ECSIT: variants seen among roughly 807,000 people sequenced by gnomAD.
The protein encoded by ECSIT is ECSIT signaling integrator.
ECSIT carries 29 observed loss-of-function variants against 36.8 expected under a neutral mutation model. The ratio of observed to expected loss-of-function variants is 0.79; its 90% CI spans 0.59 to 1.08. The LOEUF is 1.08. Ranked by LOEUF, ECSIT falls within the 50% of genes least tolerant of loss-of-function variation. The probability of loss-of-function intolerance (pLI) is 0.00; values close to 1 mark genes in which losing one functional copy is unlikely to be tolerated. For synonymous variants in ECSIT, 231 were observed against 234.8 expected (o/e 0.98, Z 0.15); for missense variants, 542 against 581.0 (o/e 0.93, Z 0.69).
At chr19:11,516,062 C>T (rs1166912791) in intron 2 of ECSIT, 1 of 152,280 alleles carries the variant, frequency 6.6e-6, no homozygotes, top group African/African-American at 2.4e-5. Flanking sequence ...TGGAGTCTAG[C>T]TATGTTGCCC....
In ECSIT at chr19:11,519,213, A is replaced by C. The variant is rs1286409291; in HGVS notation, c.-23-20T>G. ...AATCACCTGGCCCAAAAGAAGATTC[A>C]GCATTAGCCTGGCACCTTACAGATG... On this transcript the variant is annotated intron_variant, in intron 1 of 7. Transcript: ENST00000270517. The surrounding 1 kb of genome is among the most constrained non-coding windows in gnomAD (Gnocchi z 4.4). 1 of 1,501,214 alleles carries C rather than the reference A, an allele frequency of 6.7e-7. No homozygotes were observed. The highest frequency in any genetic ancestry group is 2.0e-5 in the Admixed American group (1 of 50,908). The allele number at this position is 1,501,214 out of a possible 1,614,324, so 93.0% of individuals were successfully genotyped here. A position where few individuals can be genotyped will look rare whatever the true frequency, so the allele number is the denominator to read the frequency against.
At chr19:11,526,176 A>G (rs913876066) in intron 1 of ECSIT, among the ~76,000 whole-genome samples, 1 of 151,950 alleles carries the variant, frequency 6.6e-6, no homozygotes, top group Non-Finnish European at 1.5e-5. Flanking sequence ...TCTTGTCCAG[A>G]CTGGTCTTGA....
intron 1 of ECSIT, among the ~76,000 whole-genome samples, chr19:11,527,694 AAAAT>A (rs1404887756): frequency 1.3e-5 from 2 of 151,908 alleles, no homozygotes; most frequent in Admixed American, 6.6e-5. Flanking sequence ...CCTGTCTCTA[AAAAT>A]AAATAAATAG....
intron 7 of ECSIT, 100 bp from the exon 8 acceptor site, chr19:11,506,528 C>CA: frequency 5.0e-6 from 5 of 1,004,574 alleles, no homozygotes; most frequent in South Asian, 2.4e-5. Context: ...CCTTCCACTT[C>CA]CTTTTTTTTT....
intron 3 of ECSIT, 93 bp from the exon 4 acceptor site, chr19:11,513,372 T>C: frequency 9.9e-7 from 1 of 1,005,132 alleles, no homozygotes; most frequent in Admixed American, 1.9e-5. Flanking sequence ...AGGGAATTGA[T>C]CACAGACAGG....
chr19:11,508,591 T>C (rs970156317), intron 4 of ECSIT, among the ~76,000 whole-genome samples: 1 of 152,028 alleles, frequency 6.6e-6, no homozygotes, highest in Non-Finnish European at 1.5e-5. Context: ...TTTTGCTCAT[T>C]ACCCAGGCTG....
At chr19:11,517,455 G>T (rs994001887) in intron 2 of ECSIT, among the ~76,000 whole-genome samples, 10 of 151,936 alleles carry the variant, frequency 6.6e-5, no homozygotes, top group African/African-American at 2.2e-4. Flanking sequence ...AATTAGCCAG[G>T]TGTGGTGCCG....
rs1214511733 is a variant in ECSIT, at chr19:11,506,201, G to C, written c.1279C>G (p.Gln427Glu). ...GGCTCAGACTAGCTCTGGCCCTGCTGCTGTCGCTGCAGGTTGTCGTCTTCT... is the reference window on the plus strand; with the variant it reads ...GGCTCAGACTAGCTCTGGCCCTGCTCCTGTCGCTGCAGGTTGTCGTCTTCT... The part of the protein sequence containing the change: ...QEEDDNLQRQ[Q>E]QGQS Residue 427 changes from glutamine (Q) to glutamate (E), a missense_variant, in exon 8 of 8, where the codon CAG (glutamine) becomes GAG (glutamate). Transcript: ENST00000270517. The C allele has an allele frequency of 3.1e-6, 5 of 1,606,208 alleles. No individual in the cohort carries two copies. In the Admixed American group the frequency reaches 8.3e-5, roughly 27 times the overall value.
intron 1 of ECSIT, among the ~76,000 whole-genome samples, chr19:11,527,400 A>G (rs561342162): frequency 1.8e-4 from 28 of 152,004 alleles, no homozygotes; most frequent in Non-Finnish European, 3.5e-4. Flanking sequence ...AAAATCAGAG[A>G]CTGGGCACAC....
intron 2 of ECSIT, among the ~76,000 whole-genome samples, chr19:11,514,520 T>G (rs927624088): frequency 3.6e-5 from 3 of 83,878 alleles, no homozygotes; most frequent in African/African-American, 3.9e-4. Flanking sequence ...TTTTTTGGGT[T>G]TTTTTTTTTG....
At chr19:11,522,547 C>T (rs1045514330) in intron 1 of ECSIT, 9 of 703,688 alleles carry the variant, frequency 1.3e-5, no homozygotes, top group South Asian at 1.6e-5. Context: ...AGGAACGCCC[C>T]GGTAAAAAAA....
intron 4 of ECSIT, among the ~76,000 whole-genome samples, chr19:11,512,770 GA>G (rs200946247): frequency 3.3e-4 from 48 of 144,426 alleles, no homozygotes; most frequent in South Asian, 6.7e-4. Context: ...CCCTGTCTCT[GA>G]AAAAAAAAAA....
intron 2 of ECSIT, chr19:11,516,273 G>A (rs575090503): frequency 6.6e-6 from 1 of 152,246 alleles, no homozygotes; most frequent in Admixed American, 6.5e-5. Flanking sequence ...GAACTCCTGG[G>A]CTCAAGTGAT....
rs963680756 is a variant in ECSIT at position 11,507,649 on chromosome 19, G to A, written c.945+53C>T. The A allele has an allele frequency of 3.7e-6, 6 of 1,613,524 alleles. No individual in the cohort carries two copies. The Admixed American group carries it at 6.7e-5, about 18-fold the overall frequency. On this transcript the variant is annotated intron_variant, in intron 6 of 7. Coordinates refer to ENST00000270517, the MANE Select transcript of ECSIT (RefSeq NM_016581.5). Reference sequence around the variant, plus strand: ...CCAGCCTCTCCCATGCACCCTCAGGGTAGTGCCAGCCCACTCCCCAGCCCC... The same window carrying A: ...CCAGCCTCTCCCATGCACCCTCAGGATAGTGCCAGCCCACTCCCCAGCCCC...
At chr19:11,509,131 G>A (rs1971818996) in intron 4 of ECSIT, among the ~76,000 whole-genome samples, 2 of 150,616 alleles carry the variant, frequency 1.3e-5, no homozygotes, top group Admixed American at 1.3e-4. Context: ...AGTGCAATGG[G>A]GCTTGATCTC....
chr19:11,523,364 G>A (rs1972147718), intron 1 of ECSIT: 1 of 430,116 alleles, frequency 2.3e-6, no homozygotes, highest in Non-Finnish European at 4.1e-6. Flanking sequence ...CCCTTTCCCT[G>A]CCACTGCCGA....
chr19:11,514,577 T>C (rs1451711090), intron 2 of ECSIT, among the ~76,000 whole-genome samples: 1 of 151,560 alleles, frequency 6.6e-6, no homozygotes, highest in Non-Finnish European at 1.5e-5. Context: ...GGCTGGAATG[T>C]AGTGGTGCTA....
Position 11,527,134 on chromosome 19 carries a change from C to T in ECSIT, c.-24+1928G>A, listed in dbSNP as rs550222370. ...AAGGTCAGTTCAAGACCAGCCTGGCCGAGATGGTGAAAGCCCGTCTGTACT... is the reference window on the plus strand; with the variant it reads ...AAGGTCAGTTCAAGACCAGCCTGGCTGAGATGGTGAAAGCCCGTCTGTACT... On this transcript the variant is annotated intron_variant, in intron 1 of 7. Coordinates refer to ENST00000270517, the MANE Select transcript of ECSIT (RefSeq NM_016581.5). Among the ~76,000 whole-genome samples, 4 of 152,016 alleles carry T rather than the reference C, an allele frequency of 2.6e-5. No individual in the cohort carries two copies. The East Asian group carries it at 5.9e-4, about 22-fold the overall frequency.
In ECSIT at chr19:11,505,959, T is replaced by C. The variant is rs1244251904; in HGVS notation, c.*225A>G. 30 of 934,366 alleles carry C rather than the reference T, an allele frequency of 3.2e-5. No homozygotes were observed. The South Asian group carries it at 4.6e-4, about 14-fold the overall frequency. 57.9% of individuals were successfully genotyped at this position (934,366 alleles called of 1,614,324 possible). A position where few individuals can be genotyped will look rare whatever the true frequency, so the allele number is the denominator to read the frequency against. On this transcript the variant is annotated 3_prime_UTR_variant, in exon 8 of 8. Coordinates refer to ENST00000270517, the MANE Select transcript of ECSIT (RefSeq NM_016581.5). ...ACAACCAACAGCGCTCCCGCCCCTTTTTATTTGAATTCGGAGAACCAGAGG... is the reference window on the plus strand; with the variant it reads ...ACAACCAACAGCGCTCCCGCCCCTTCTTATTTGAATTCGGAGAACCAGAGG...
Sources: gnomAD v4.1 joint callset for allele counts (sites outside exome capture counted in the v4.1 genomes callset) on GRCh38, gnomAD v4.1.1 for gene constraint, Gnocchi (gnomAD v3.1) non-coding constraint, MANE v1.5 for transcripts, NCBI Gene and HGNC (gene_info 2026-07-23, HGNC 2026-07-21) for gene names.